TTBK2: variants seen among roughly 807,000 people sequenced by gnomAD.
TTBK2 encodes the protein tau-tubulin kinase 2.
Under a neutral mutation model 110.8 loss-of-function variants are expected in TTBK2, and 28 were observed. That is an observed-to-expected ratio of 0.25 (90% CI 0.19 to 0.35). The LOEUF (loss-of-function observed/expected upper bound fraction) is 0.35. TTBK2 is among the 10% of genes least tolerant of loss of function. The pLI is 1.00. For synonymous variants in TTBK2, 532 were observed against 527.3 expected (o/e 1.01, Z -0.12); for missense variants, 1,369 against 1,500.3 (o/e 0.91, Z 1.45).
At chr15:42,758,906 A>G (rs2061984131) in intron 13 of TTBK2, among the ~76,000 whole-genome samples, 2 of 152,128 alleles carry the variant, frequency 1.3e-5, no homozygotes, top group South Asian at 4.1e-4. Context: ...AAAAATTCAC[A>G]CAGCTGCTTT....
intron 1 of TTBK2, among the ~76,000 whole-genome samples, chr15:42,908,872 T>A (rs769098870): frequency 6.6e-6 from 1 of 152,198 alleles, no homozygotes; most frequent in Admixed American, 6.5e-5. Flanking sequence ...ACAACCCAAA[T>A]GTCCAGCAAG....
intron 9 of TTBK2, among the ~76,000 whole-genome samples, chr15:42,804,067 T>C (rs1040245441): frequency 6.6e-6 from 1 of 151,056 alleles, no homozygotes; most frequent in Non-Finnish European, 1.5e-5. Context: ...AGCATCACTG[T>C]GGTACATGTA....
At chr15:42,832,826 A>ATG (rs1472551418) in intron 4 of TTBK2, among the ~76,000 whole-genome samples, 1 of 152,100 alleles carries the variant, frequency 6.6e-6, no homozygotes, top group Non-Finnish European at 1.5e-5. Context: ...AGTTACCCAG[A>ATG]TGTCCAGGGT....
intron 3 of TTBK2, chr15:42,871,742 T>C (rs892932480): frequency 8.9e-6 from 2 of 224,870 alleles, no homozygotes; most frequent in Admixed American, 6.5e-5. Flanking sequence ...TGACAATAGG[T>C]GTTAATCTAT....
chr15:42,799,001 T>C (rs1259830199), intron 9 of TTBK2, among the ~76,000 whole-genome samples: 5 of 152,150 alleles, frequency 3.3e-5, no homozygotes, highest in South Asian at 2.1e-4. Flanking sequence ...TCAAATGAAA[T>C]GCTGACTGGG....
At chr15:42,912,198 T>C (rs1012046358) in intron 1 of TTBK2, among the ~76,000 whole-genome samples, 4 of 152,114 alleles carry the variant, frequency 2.6e-5, no homozygotes, top group Admixed American at 2.0e-4. Context: ...ACAGACATCA[T>C]TCTGTTTCAG....
chr15:42,789,303 G>GTA (rs3036915), intron 10 of TTBK2, among the ~76,000 whole-genome samples: 101,324 of 149,734 alleles, frequency 0.68, 35,392 homozygotes, highest in South Asian at 0.82. Context: ...GTGTGTGTGT[G>GTA]TATATATATA....
At chr15:42,785,410 C>T (rs887874320) in intron 10 of TTBK2, among the ~76,000 whole-genome samples, 2 of 152,094 alleles carry the variant, frequency 1.3e-5, no homozygotes, top group East Asian at 1.9e-4. Context: ...TGTGAGCCAT[C>T]GTGCCCGGCC....
chr15:42,816,085 A>AATATATATATATATAT (rs71431870), intron 7 of TTBK2, among the ~76,000 whole-genome samples: 40 of 67,432 alleles, frequency 5.9e-4, no homozygotes, highest in African/African-American at 1.1e-3. Flanking sequence ...TAAATAAATA[A>AATATATATATATATAT]ATATATATAT....
At chr15:42,799,171 C>T (rs888231886) in intron 9 of TTBK2, among the ~76,000 whole-genome samples, 11 of 152,072 alleles carry the variant, frequency 7.2e-5, no homozygotes, top group Non-Finnish European at 5.9e-5. Context: ...AGATCGAGAC[C>T]ATCCTCACTA....
intron 3 of TTBK2, among the ~76,000 whole-genome samples, chr15:42,855,777 C>T (rs8034483): frequency 0.014 from 2,084 of 152,292 alleles, 49 homozygotes; most frequent in African/African-American, 0.046. Flanking sequence ...CTCCGCCTCC[C>T]GGGTTCACGC....
rs147060258 is a variant in TTBK2 at position 42,890,797 on chromosome 15, GAA to G, written c.-67-12115_-67-12114del. 8.3e-3 allele frequency among the ~76,000 whole-genome samples: 1,265 copies of G among 152,250 alleles called. 16 individuals carry two copies. Among genetic ancestry groups the G allele is most frequent in the African/African-American group, 0.027 (1,127 of 41,542 alleles). ...TTCATCTCCACCTCCCAACTTCCAG[GAA>G]AAGAGTTACTAGTGATTGAGTTCAA... On this transcript the variant is annotated intron_variant, in intron 1 of 14. Transcript: ENST00000267890.
intron 1 of TTBK2, among the ~76,000 whole-genome samples, chr15:42,884,509 C>T (rs985213719): frequency 6.6e-6 from 1 of 152,072 alleles, no homozygotes. Flanking sequence ...TCATAACAAG[C>T]CCCTTTCAAC....
intron 3 of TTBK2, among the ~76,000 whole-genome samples, chr15:42,865,408 G>A (rs1197523494): frequency 1.3e-5 from 2 of 150,910 alleles, no homozygotes; most frequent in East Asian, 2.0e-4. Context: ...GCAGTGAGCC[G>A]AGACTGCGTC....
intron 9 of TTBK2, among the ~76,000 whole-genome samples, chr15:42,796,844 A>T (rs1890967193): frequency 6.6e-6 from 1 of 152,256 alleles, no homozygotes; most frequent in Non-Finnish European, 1.5e-5. Context: ...GACTCACATG[A>T]TTTAATCTTT....
At chr15:42,903,227 A>G (rs1329495647) in intron 1 of TTBK2, among the ~76,000 whole-genome samples, 1 of 152,160 alleles carries the variant, frequency 6.6e-6, no homozygotes, top group African/African-American at 2.4e-5. Flanking sequence ...AGAGTAATCA[A>G]TTCAGAGACA....
Position 42,745,211 on chromosome 15 carries a change from T to TA in TTBK2, c.*583_*584insT. 6.4e-6 allele frequency: 1 copy of TA among 156,948 alleles called. No homozygotes were observed. Among genetic ancestry groups the TA allele is most frequent in the South Asian group, 1.9e-4 (1 of 5,198 alleles). 9.7% of individuals were successfully genotyped at this position (156,948 alleles called of 1,614,324 possible). On this transcript the variant is annotated 3_prime_UTR_variant, in exon 15 of 15. Coordinates refer to ENST00000267890, the MANE Select transcript of TTBK2 (RefSeq NM_173500.4). ...ATTGAATCAGACGAGACATACAAAATTTTAAAAAAAAATCTGAACTCCAGG... is the reference window on the plus strand; with the variant it reads ...ATTGAATCAGACGAGACATACAAAATATTTAAAAAAAAATCTGAACTCCAGG...
Position 42,746,253 on chromosome 15 carries a change from G to T in TTBK2, c.3277C>A (p.Arg1093Ser), listed in dbSNP as rs375644796. Reference sequence around the variant, plus strand: ...CTACTCCCTAGGACTTTATATCTGCGTAGCCTTAAAAGAACAGAGAAAATA... The same window carrying T: ...CTACTCCCTAGGACTTTATATCTGCTTAGCCTTAAAAGAACAGAGAAAATA... ...PTRPGVEARL[R>S]RYKVLGSSNS... Residue 1093 changes from arginine to serine, a missense_variant, in exon 15 of 15, where the codon CGC (arginine) becomes AGC (serine). Physicochemically the swap from Arg to Ser is moderately radical, Grantham distance 110. Transcript: ENST00000267890. 6.8e-6 allele frequency: 11 copies of T among 1,610,538 alleles called. No homozygotes were observed. The highest frequency in any genetic ancestry group is 9.3e-6 in the Non-Finnish European group (11 of 1,177,382).
intron 13 of TTBK2, among the ~76,000 whole-genome samples, chr15:42,757,928 A>C (rs1180187037): frequency 6.6e-6 from 1 of 152,138 alleles, no homozygotes; most frequent in Non-Finnish European, 1.5e-5. Context: ...GTACTGTTTG[A>C]CCAAAATTAG....
Sources: gnomAD v4.1 joint callset for allele counts (sites outside exome capture counted in the v4.1 genomes callset) on GRCh38, gnomAD v4.1.1 for gene constraint, MANE v1.5 for transcripts, NCBI Gene and HGNC (gene_info 2026-07-23, HGNC 2026-07-21) for gene names.